LTBP2: variants seen among roughly 807,000 people sequenced by gnomAD.
LTBP2 encodes the protein latent-transforming growth factor beta-binding protein 2.
LTBP2 carries 103 observed loss-of-function variants against 210.6 expected under a neutral mutation model. The ratio of observed to expected loss-of-function variants is 0.49; its 90% confidence interval spans 0.42 to 0.58. LTBP2 has a LOEUF of 0.58. LTBP2 is among the 20% of genes least tolerant of loss of function. The probability of loss-of-function intolerance (pLI) is 0.00; values close to 1 mark genes in which losing one functional copy is unlikely to be tolerated. For missense variants in LTBP2, 2,313 were observed against 2,494.5 expected (o/e 0.93, Z 1.55); for synonymous variants, 1,007 against 1,015.0 (o/e 0.99, Z 0.15).
intron 5 of LTBP2, 127 bp downstream of exon 5, chr14:74,552,765 G>T: frequency 8.1e-7 from 1 of 1,230,172 alleles, no homozygotes; most frequent in Non-Finnish European, 1.2e-6. Context: ...AGCTCCCCAT[G>T]TGATTTGGGA....
chr14:74,593,385 T>C (rs1012570302), intron 2 of LTBP2, among the ~76,000 whole-genome samples: 7 of 152,226 alleles, frequency 4.6e-5, no homozygotes, highest in Middle Eastern at 3.2e-3. Context: ...CCAGCTCTGC[T>C]ACATCTCAGC....
intron 8 of LTBP2, among the ~76,000 whole-genome samples, chr14:74,540,840 TA>T (rs1302173720): frequency 3.7e-5 from 1 of 26,828 alleles, no homozygotes; most frequent in African/African-American, 8.4e-5. Flanking sequence ...AATATATATT[TA>T]TATATATTAT....
chr14:74,509,713 C>A, intron 21 of LTBP2, 21 bp downstream of exon 21: 1 of 1,614,016 alleles, frequency 6.2e-7, no homozygotes, highest in Non-Finnish European at 8.5e-7. Context: ...TCCCCTTCCA[C>A]CACTGCCTCC....
chr14:74,535,338 G>C (rs1358446332), intron 9 of LTBP2, among the ~76,000 whole-genome samples: 2 of 152,128 alleles, frequency 1.3e-5, no homozygotes, highest in Non-Finnish European at 2.9e-5. Flanking sequence ...ACAGACAACT[G>C]TTTGTCCAGT....
chr14:74,597,483 G>A (rs1344895953), intron 2 of LTBP2, among the ~76,000 whole-genome samples: 1 of 152,324 alleles, frequency 6.6e-6, no homozygotes, highest in East Asian at 1.9e-4. Context: ...TCCCCACTCA[G>A]CTCTTTGATA....
intron 26 of LTBP2, 148 bp downstream of exon 26, chr14:74,507,031 T>C: frequency 1.9e-6 from 3 of 1,538,494 alleles, no homozygotes; most frequent in South Asian, 1.2e-5. Flanking sequence ...TCCTGTGGCA[T>C]CTTTCATAAG....
intron 8 of LTBP2, among the ~76,000 whole-genome samples, chr14:74,544,030 G>C (rs1409148505): frequency 1.3e-5 from 2 of 152,228 alleles, no homozygotes; most frequent in African/African-American, 4.8e-5. Context: ...ACCCACCCCT[G>C]CTGGGTTGGG....
At chr14:74,512,492 G>A (rs745703839) in intron 18 of LTBP2, among the ~76,000 whole-genome samples, 4 of 152,202 alleles carry the variant, frequency 2.6e-5, no homozygotes, top group Non-Finnish European at 5.9e-5. Context: ...AAAGCCAGCA[G>A]CTGTCACTGC....
At chr14:74,584,031 C>G (rs887844409) in intron 3 of LTBP2, among the ~76,000 whole-genome samples, 2 of 152,180 alleles carry the variant, frequency 1.3e-5, no homozygotes, top group Admixed American at 6.5e-5. Context: ...GTTAGGCTAA[C>G]TGTAGTTTGG....
In LTBP2 at chr14:74,503,555, G is replaced by C. The variant is rs761539350; in HGVS notation, c.4634C>G (p.Thr1545Arg). The C allele has an allele frequency of 1.2e-6, 2 of 1,613,834 alleles. No individual in the cohort carries two copies. The highest frequency in any genetic ancestry group is 1.7e-6 in the Non-Finnish European group (2 of 1,179,998). Residue 1545 changes from threonine (T) to arginine (R), a missense_variant, in exon 32 of 36, where the codon ACG becomes AGG. Thr to Arg is a moderately conservative substitution (Grantham distance 71, BLOSUM62 -1). Around this residue, in one of 3 missense-constraint regions of LTBP2, gnomAD observed 443 missense variants for 501.4 expected, o/e 0.88. Transcript: ENST00000261978. Reference protein sequence around the residue: ...LACENGECVNTEGSFHCFCSP... With the variant: ...LACENGECVNREGSFHCFCSP... ...GCAGAAGCAGTGGAAGGAGCCCTCC[G>C]TGTTGACGCACTCGCCATTCTCACA... is the stretch of plus-strand genomic sequence containing the variant.
chr14:74,504,346 A>G (rs1325595760), intron 30 of LTBP2, among the ~76,000 whole-genome samples: 1 of 152,248 alleles, frequency 6.6e-6, no homozygotes, highest in Admixed American at 6.5e-5. Context: ...GACTAGCTTC[A>G]GGACTAGGGT....
At position 74,500,113 on chromosome 14, in the gene LTBP2, G is replaced by A. The variant is rs2086893358; in HGVS notation, c.*771C>T. 4.3e-6 allele frequency: 1 copy of A among 233,480 alleles called. No homozygotes were observed. Among genetic ancestry groups the A allele is most frequent in the Non-Finnish European group, 8.4e-6 (1 of 118,360 alleles). 14.5% of individuals were successfully genotyped at this position (233,480 alleles called of 1,614,324 possible). On this transcript the variant is annotated 3_prime_UTR_variant, in exon 36 of 36. Transcript: ENST00000261978. ...GGTGCCCACAGGCTATCACTGGGCGGATTCAGCTACTGAATATTTTCTTTA... is the reference window on the plus strand; with the variant it reads ...GGTGCCCACAGGCTATCACTGGGCGAATTCAGCTACTGAATATTTTCTTTA...
chr14:74,553,199 G>A (rs1448177338), intron 4 of LTBP2, 137 bp from the exon 5 acceptor site: 1 of 840,824 alleles, frequency 1.2e-6, no homozygotes, highest in African/African-American at 1.7e-5. Context: ...CTGGACGCAG[G>A]GTCCCATCGT....
At chr14:74,557,880 C>T (rs537779073) in intron 3 of LTBP2, among the ~76,000 whole-genome samples, 3 of 152,328 alleles carry the variant, frequency 2.0e-5, no homozygotes, top group East Asian at 1.9e-4. Flanking sequence ...CTGCGCCAGC[C>T]GACAACCAGC....
rs1436874191 is a variant in LTBP2, at chr14:74,504,823, T to C, written c.4408A>G (p.Ile1470Val). Reference sequence around the variant, plus strand: ...AACGTCCAGGCTCCTTCCACAGGAATGTAGCCTTTTCCACTAGGGCAGATC... The same window carrying C: ...AACGTCCAGGCTCCTTCCACAGGAACGTAGCCTTTTCCACTAGGGCAGATC... ...SEICPSGKGY[I>V]PVEGAWTFGQ... is the part of the protein sequence containing the mutation. Residue 1470 changes from isoleucine to valine, a missense_variant, in exon 30 of 36, where the codon ATT (isoleucine) becomes GTT (valine). By Grantham distance (29) the Ile-to-Val change is conservative. Around this residue, in one of 3 missense-constraint regions of LTBP2, gnomAD observed 443 missense variants for 501.4 expected, o/e 0.88. Coordinates refer to ENST00000261978, the MANE Select transcript of LTBP2 (RefSeq NM_000428.3). The C allele has an allele frequency of 2.5e-6, 4 of 1,614,224 alleles. No homozygotes were observed. The highest frequency in any genetic ancestry group is 3.4e-6 in the Non-Finnish European group (4 of 1,180,034).
chr14:74,517,212 C>A (rs866050749), intron 17 of LTBP2, among the ~76,000 whole-genome samples: 12 of 152,116 alleles, frequency 7.9e-5, no homozygotes, highest in Non-Finnish European at 1.2e-4. Flanking sequence ...CAACTGTTTC[C>A]TCACCCTCAT....
In LTBP2 at chr14:74,549,999, C is replaced by G. The variant is rs201335616; in HGVS notation, c.1687-34G>C. The G allele has an allele frequency of 2.2e-6, 3 of 1,344,666 alleles. No individual in the cohort carries two copies. In the South Asian group the frequency reaches 3.5e-5, roughly 16 times the overall value. The allele number at this position is 1,344,666 out of a possible 1,614,324, so 83.3% of individuals were successfully genotyped here. On this transcript the variant is annotated intron_variant, in intron 7 of 35. Transcript: ENST00000261978. The stretch of plus-strand genomic sequence containing the variant: ...AGAGGCCATGGACACCTGTGACCAC[C>G]CCCCTTCCCTCCCAGGCTGTGCACA...
In LTBP2 at chr14:74,509,216, T is replaced by C. The variant is rs922261694; in HGVS notation, c.3403+22A>G. 4 of 1,613,178 alleles carry C rather than the reference T, an allele frequency of 2.5e-6. No homozygotes were observed. The African/African-American group carries it at 5.3e-5, about 22-fold the overall frequency. ...CAGAGGGGGCATCCCATTTGTATCC[T>C]CTCCCACACAGAGGCTCATACCTTC... is the stretch of plus-strand genomic sequence containing the variant. On this transcript the variant is annotated intron_variant, in intron 22 of 35. Coordinates refer to ENST00000261978, the MANE Select transcript of LTBP2 (RefSeq NM_000428.3).
Position 74,532,604 on chromosome 14 carries a change from G to A in LTBP2, c.1865-56C>T, listed in dbSNP as rs919678688. On this transcript the variant is annotated intron_variant, in intron 9 of 35. Coordinates refer to ENST00000261978, the MANE Select transcript of LTBP2 (RefSeq NM_000428.3). ...CGCCCCACGGAGGCCTGATGGAGCA[G>A]AGGGGCTGGGCAGAGATCTTCAAAT... 2.7e-5 allele frequency: 43 copies of A among 1,600,804 alleles called. 1 individual carries two copies. In the Admixed American group the frequency reaches 7.2e-4, roughly 27 times the overall value.
Sources: allele counts gnomAD v4.1 joint callset (sites outside exome capture counted in the v4.1 genomes callset), GRCh38; gene constraint gnomAD v4.1.1; regional missense constraint gnomAD v4.1.1; transcripts MANE v1.5; gene names NCBI Gene and HGNC (gene_info 2026-07-23, HGNC 2026-07-21).